The following CNTNAP2 variants were observed in gnomAD, a reference collection of about 807,000 sequenced individuals.
The protein encoded by CNTNAP2 is contactin associated protein 2, also known as contactin-associated protein-like 2.
In CNTNAP2, 98 loss-of-function variants were observed where a neutral mutation model predicts 155.2. The ratio of observed to expected loss-of-function variants is 0.63; its 90% CI spans 0.54 to 0.75. CNTNAP2 has a LOEUF of 0.75. CNTNAP2 is among the 30% of genes least tolerant of loss of function. The pLI, the probability that CNTNAP2 is intolerant of heterozygous loss-of-function variation, is 0.00. For synonymous variants in CNTNAP2, 651 were observed against 631.2 expected, an observed-to-expected ratio of 1.03 and a Z score of -0.47; for missense variants, 1,727 against 1,688.1, an observed-to-expected ratio of 1.02 and a Z score of -0.40.
intron 9 of CNTNAP2, among the ~76,000 whole-genome samples, chr7:147,308,212 T>C (rs571930995): frequency 1.3e-5 from 2 of 152,216 alleles, no homozygotes; most frequent in South Asian, 4.1e-4. Context: ...CCAGCTGGTG[T>C]GTGCAGGGAG....
intron 16 of CNTNAP2, among the ~76,000 whole-genome samples, chr7:148,145,074 A>G (rs1337648392): frequency 1.3e-5 from 2 of 152,114 alleles, no homozygotes; most frequent in Admixed American, 1.3e-4. Context: ...TGGCTCTCAC[A>G]GTGGGTCTTT....
At chr7:148,002,852 G>A (rs569829905) in intron 15 of CNTNAP2, among the ~76,000 whole-genome samples, 5 of 152,006 alleles carry the variant, frequency 3.3e-5, no homozygotes, top group East Asian at 1.9e-4. Context: ...TACTGTTACC[G>A]GTACACTTGT....
At chr7:147,498,388 G>A (rs190705729) in intron 11 of CNTNAP2, among the ~76,000 whole-genome samples, 21 of 152,290 alleles carry the variant, frequency 1.4e-4, no homozygotes, top group Non-Finnish European at 2.4e-4. Flanking sequence ...CAGATAAAAT[G>A]TACCATCAAC....
intron 19 of CNTNAP2, among the ~76,000 whole-genome samples, chr7:148,223,484 C>T (rs1210423835): frequency 6.6e-6 from 1 of 152,138 alleles, no homozygotes; most frequent in Non-Finnish European, 1.5e-5. Flanking sequence ...AGAGAAGTCC[C>T]TTATAACTGC....
At chr7:148,068,551 A>G (rs2116525052) in intron 15 of CNTNAP2, among the ~76,000 whole-genome samples, 1 of 152,006 alleles carries the variant, frequency 6.6e-6, no homozygotes, top group East Asian at 1.9e-4. Flanking sequence ...ATATTTTTAT[A>G]TCCTATATTA....
At chr7:147,275,980 G>A (rs1209466219) in intron 8 of CNTNAP2, among the ~76,000 whole-genome samples, 1 of 151,824 alleles carries the variant, frequency 6.6e-6, no homozygotes, top group African/African-American at 2.4e-5. Flanking sequence ...TGCATAGGTT[G>A]AACCATCCTT....
chr7:146,622,466 T>G (rs1014994254), intron 1 of CNTNAP2, among the ~76,000 whole-genome samples: 15 of 152,190 alleles, frequency 9.9e-5, no homozygotes, highest in Non-Finnish European at 1.5e-4. Context: ...TACTAAGCCA[T>G]GTATATATGC....
chr7:147,166,407 G>T (rs1454846618), intron 8 of CNTNAP2, among the ~76,000 whole-genome samples: 1 of 152,106 alleles, frequency 6.6e-6, no homozygotes, highest in Non-Finnish European at 1.5e-5. Context: ...ATGGGAGGCG[G>T]GTGAGGGATC....
chr7:147,064,566 T>C (rs532555222), intron 4 of CNTNAP2, among the ~76,000 whole-genome samples: 3 of 152,300 alleles, frequency 2.0e-5, no homozygotes, highest in Non-Finnish European at 4.4e-5. Flanking sequence ...TTGTATTACC[T>C]TGAATGCACA....
chr7:147,560,405 G>A (rs772838608), intron 11 of CNTNAP2, among the ~76,000 whole-genome samples: 2 of 152,094 alleles, frequency 1.3e-5, no homozygotes, highest in South Asian at 4.1e-4. Flanking sequence ...CCTGCTAAAA[G>A]TTTAAAAATA....
Position 147,148,647 on chromosome 7 carries a change from A to C in CNTNAP2, c.1348+16138A>C, listed in dbSNP as rs1801762449. Among the ~76,000 whole-genome samples, 3 of 152,042 alleles carry C rather than the reference A, an allele frequency of 2.0e-5. 1 individual carries two copies. In the South Asian group the frequency reaches 6.2e-4, roughly 32 times the overall value. On this transcript the variant is annotated intron_variant, in intron 8 of 23. Coordinates refer to ENST00000361727, the MANE Select transcript of CNTNAP2 (RefSeq NM_014141.6). ...TCCTTCTGATGTTCAGATGTGTCCGAAGTTTCTTCCTTCCTGTGGGTTCGT... is the reference window on the plus strand; with the variant it reads ...TCCTTCTGATGTTCAGATGTGTCCGCAGTTTCTTCCTTCCTGTGGGTTCGT...
chr7:147,440,481 T>C (rs1417647539), intron 10 of CNTNAP2, among the ~76,000 whole-genome samples: 1 of 152,178 alleles, frequency 6.6e-6, no homozygotes, highest in Non-Finnish European at 1.5e-5. Context: ...ATTTAGTCTT[T>C]CTAGTTAAGA....
chr7:147,575,511 CTGTGTGTGTG>C (rs377290787), intron 12 of CNTNAP2, among the ~76,000 whole-genome samples: 2 of 132,580 alleles, frequency 1.5e-5, no homozygotes, highest in South Asian at 2.5e-4. Context: ...GGGTATACAA[CTGTGTGTGTG>C]TGTGTGTGTG....
rs1340121530 is a variant in CNTNAP2, at chr7:147,387,116, C to T, written c.1499-8493C>T. ...ACCCCCATGACTCAATTACCTCCCA[C>T]TCGGTTTGTCCCATGACACATGGAA... On this transcript the variant is annotated intron_variant, in intron 9 of 23. Transcript: ENST00000361727. Among the ~76,000 whole-genome samples, 5 of 152,246 alleles carry T rather than the reference C, an allele frequency of 3.3e-5. No homozygotes were observed. The South Asian group carries it at 8.3e-4, about 25-fold the overall frequency.
At chr7:147,551,917 C>T (rs1799861047) in intron 11 of CNTNAP2, among the ~76,000 whole-genome samples, 1 of 152,172 alleles carries the variant, frequency 6.6e-6, no homozygotes, top group Admixed American at 6.5e-5. Context: ...TTAGCAAAGA[C>T]ATTCAGATTA....
At chr7:146,880,310 C>T (rs1490752962) in intron 3 of CNTNAP2, among the ~76,000 whole-genome samples, 1 of 151,904 alleles carries the variant, frequency 6.6e-6, no homozygotes, top group Non-Finnish European at 1.5e-5. Flanking sequence ...TTCATAAAAG[C>T]TCCTTTATGC....
chr7:148,375,687 C>T (rs921444043), intron 21 of CNTNAP2, among the ~76,000 whole-genome samples: 13 of 151,112 alleles, frequency 8.6e-5, no homozygotes, highest in African/African-American at 3.2e-4. Flanking sequence ...GATTAACTAG[C>T]AATCATAAGT....
At chr7:146,227,736 T>C (rs1288882963) in intron 1 of CNTNAP2, among the ~76,000 whole-genome samples, 3 of 151,920 alleles carry the variant, frequency 2.0e-5, no homozygotes, top group Admixed American at 2.0e-4. Flanking sequence ...TCAGGGATAA[T>C]AGAGAGAGGG....
chr7:147,898,364 A>G (rs1224226660), intron 13 of CNTNAP2, among the ~76,000 whole-genome samples: 1 of 152,138 alleles, frequency 6.6e-6, no homozygotes, highest in African/African-American at 2.4e-5. Flanking sequence ...TATGGTCCCT[A>G]CTTTTTGTAT....
Sources: allele counts gnomAD v4.1 joint callset (sites outside exome capture counted in the v4.1 genomes callset), GRCh38; gene constraint gnomAD v4.1.1; transcripts MANE v1.5; gene names NCBI Gene and HGNC (gene_info 2026-07-23, HGNC 2026-07-21).